RERE: variants seen among roughly 807,000 people sequenced by gnomAD.
The protein encoded by RERE is arginine-glutamic acid dipeptide repeats, also known as arginine-glutamic acid dipeptide repeats protein.
RERE carries 40 observed loss-of-function variants against 146.1 expected under a neutral mutation model. The observed-to-expected ratio is 0.27, with a 90% CI of 0.21 to 0.36. The LOEUF (loss-of-function observed/expected upper bound fraction) is 0.36, where lower values mean the gene tolerates loss of function less well. Among genes scored for constraint, RERE ranks in the 10% least tolerant of loss-of-function variants. RERE has a pLI of 1.00. For missense variants in RERE, 1,933 were observed against 2,138.7 expected (o/e 0.90, Z 1.90); for synonymous variants, 1,003 against 866.0 (o/e 1.16, Z -2.78).
intron 2 of RERE, among the ~76,000 whole-genome samples, chr1:8,653,504 G>A (rs1021551650): frequency 1.3e-5 from 2 of 151,936 alleles, no homozygotes; most frequent in Admixed American, 1.3e-4. Flanking sequence ...TCAGGAGATC[G>A]AGACCACGGT....
chr1:8,381,099 T>C (rs536956402), intron 12 of RERE: 4 of 437,616 alleles, frequency 9.1e-6, no homozygotes, highest in East Asian at 7.0e-5. Context: ...CACCACCTCA[T>C]ACACACTTTA....
At chr1:8,629,153 C>T (rs1647007392) in intron 2 of RERE, among the ~76,000 whole-genome samples, 1 of 152,094 alleles carries the variant, frequency 6.6e-6, no homozygotes, top group South Asian at 2.1e-4. Context: ...AGGCTATTAC[C>T]ATCAATATCA....
At chr1:8,436,719 GTTTTA>G (rs1314534995) in intron 11 of RERE, among the ~76,000 whole-genome samples, 1 of 152,142 alleles carries the variant, frequency 6.6e-6, no homozygotes, top group Non-Finnish European at 1.5e-5. Flanking sequence ...TAATTTAAAT[GTTTTA>G]TTTAACTAAA....
chr1:8,429,590 C>G (rs1644065853), intron 11 of RERE, among the ~76,000 whole-genome samples: 1 of 152,188 alleles, frequency 6.6e-6, no homozygotes, highest in African/African-American at 2.4e-5. Context: ...AAAGATACCT[C>G]TGCATTAACC....
rs138825606 is a variant in RERE, at chr1:8,669,129, C to T, written c.-144-12688G>A. Among the ~76,000 whole-genome samples the T allele has an allele frequency of 2.0e-5, 3 of 150,704 alleles. No homozygotes were observed. In the East Asian group the frequency reaches 5.9e-4, roughly 30 times the overall value. ...TGTCACCCAGGCTGGAGTGCAGTGG[C>T]ATGCGTGATCACGGCTCACTGCAGC... On this transcript the variant is annotated intron_variant, in intron 1 of 22. Coordinates refer to ENST00000400908, the MANE Select transcript of RERE (RefSeq NM_001042681.2).
chr1:8,403,580 A>C (rs1024231825), intron 12 of RERE, among the ~76,000 whole-genome samples: 6 of 150,908 alleles, frequency 4.0e-5, no homozygotes, highest in African/African-American at 1.5e-4. Flanking sequence ...TGGCCAGGCT[A>C]GTCTCAAACT....
At chr1:8,784,283 T>TC (rs763598021) in intron 1 of RERE, among the ~76,000 whole-genome samples, 2 of 152,166 alleles carry the variant, frequency 1.3e-5, no homozygotes, top group African/African-American at 2.4e-5. Context: ...CTATCCTGAC[T>TC]CCCCTATTTA....
intron 12 of RERE, among the ~76,000 whole-genome samples, chr1:8,394,462 T>C (rs1642983293): frequency 1.3e-5 from 2 of 152,236 alleles, no homozygotes; most frequent in South Asian, 2.1e-4. Flanking sequence ...CAGATAATAT[T>C]ATCACCATTT....
intron 8 of RERE, among the ~76,000 whole-genome samples, chr1:8,501,025 TC>T (rs1557660879): frequency 4.5e-5 from 2 of 44,706 alleles, no homozygotes; most frequent in East Asian, 6.9e-4. Context: ...AGCCACCCCG[TC>T]CGGGAGGGGG....
rs1354676228 is a variant in RERE, at chr1:8,353,235, A to G, written c.*1852T>C. 1 of 152,444 alleles carries G rather than the reference A, an allele frequency of 6.6e-6. No individual in the cohort carries two copies. The highest frequency in any genetic ancestry group is 2.4e-5 in the African/African-American group (1 of 41,464). The allele number at this position is 152,444 out of a possible 1,614,324, so 9.4% of individuals were successfully genotyped here. ...GAATGAGAGAAAAATGAAAGAAAAAAAACTAGAAACATTTTCAACAGACAA... is the reference window on the plus strand; with the variant it reads ...GAATGAGAGAAAAATGAAAGAAAAAGAACTAGAAACATTTTCAACAGACAA... On this transcript the variant is annotated 3_prime_UTR_variant, in exon 23 of 23. Transcript: ENST00000400908.
intron 10 of RERE, among the ~76,000 whole-genome samples, chr1:8,471,220 C>T (rs1170095268): frequency 1.3e-5 from 2 of 152,140 alleles, no homozygotes; most frequent in African/African-American, 2.4e-5. Context: ...AAATTACTGG[C>T]GATCAGGACA....
In RERE at chr1:8,422,721, A is replaced by ACT; in HGVS notation, c.1284+4_1284+5dup. 6.2e-7 allele frequency: 1 copy of ACT among 1,600,878 alleles called. No homozygotes were observed. The highest frequency in any genetic ancestry group is 8.6e-7 in the Non-Finnish European group (1 of 1,167,958). ...ATCAAGTTACATAAAGTCCAATTGT[A>ACT]CTCACTGTTTCCTTATTGGGAAGCA... On this transcript the variant is annotated splice_donor_region_variant and intron_variant, in intron 12 of 22. Transcript: ENST00000400908.
intron 1 of RERE, among the ~76,000 whole-genome samples, chr1:8,771,778 C>T (rs1435856717): frequency 6.6e-6 from 1 of 151,188 alleles, no homozygotes; most frequent in African/African-American, 2.4e-5. Flanking sequence ...GGCGCGGTGG[C>T]GGGTGCCTGT....
In RERE at chr1:8,406,387, G is replaced by A. The variant is rs541079379; in HGVS notation, c.1284+16340C>T. 3.3e-5 allele frequency among the ~76,000 whole-genome samples: 5 copies of A among 152,176 alleles called. 1 individual carries two copies. The South Asian group carries it at 1.0e-3, about 32-fold the overall frequency. On this transcript the variant is annotated intron_variant, in intron 12 of 22. Coordinates refer to ENST00000400908, the MANE Select transcript of RERE (RefSeq NM_001042681.2). The stretch of plus-strand genomic sequence containing the variant: ...TCCCCAGTCAGATTAATATTTTCAA[G>A]AGAAGAAAGCAGTAATGCAACTTTT...
chr1:8,785,384 A>G (rs1400664655), intron 1 of RERE, among the ~76,000 whole-genome samples: 1 of 152,242 alleles, frequency 6.6e-6, no homozygotes, highest in African/African-American at 2.4e-5. Flanking sequence ...TTACTTATCC[A>G]AGCATACATT....
In RERE at chr1:8,360,115, G is replaced by A. The variant is rs1366231830; in HGVS notation, c.3392C>T (p.Ala1131Val). ...VDTPSHASQS[A>V]RFYKHLDRGY... ...CCTGGAGCCCTAGGAAGCGTACCTA[G>A]CTGACTGGCTGGCGTGACTGGGGGT... is the stretch of plus-strand genomic sequence containing the variant. The change falls in exon 18 of 23, where the codon GCT becomes GTT. Residue 1131 changes from alanine (A) to valine (V), a missense_variant. Physicochemically the swap from Ala to Val is moderately conservative, Grantham distance 64. Coordinates refer to ENST00000400908, the MANE Select transcript of RERE (RefSeq NM_001042681.2). 6.3e-7 allele frequency: 1 copy of A among 1,578,948 alleles called. No individual in the cohort carries two copies. The highest frequency in any genetic ancestry group is 1.7e-5 in the Admixed American group (1 of 57,712).
intron 15 of RERE, among the ~76,000 whole-genome samples, chr1:8,363,452 C>T (rs528094847): frequency 3.9e-5 from 6 of 152,240 alleles, no homozygotes; most frequent in East Asian, 1.9e-4. Flanking sequence ...GCAGCCTCAA[C>T]GGCATACAAG....
intron 4 of RERE, among the ~76,000 whole-genome samples, chr1:8,609,694 G>A (rs137900124): frequency 2.3e-4 from 35 of 152,232 alleles, no homozygotes. Context: ...GGTAACAAAC[G>A]TAATACAATC....
chr1:8,427,637 TAAAAAAAAAA>T (rs33996085), intron 11 of RERE, among the ~76,000 whole-genome samples: 1 of 116,352 alleles, frequency 8.6e-6, no homozygotes, highest in Non-Finnish European at 1.7e-5. Context: ...GGCCCCACTT[TAAAAAAAAAA>T]AAAAAAAAAA....
Sources: allele counts gnomAD v4.1 joint callset (sites outside exome capture counted in the v4.1 genomes callset), GRCh38; gene constraint gnomAD v4.1.1; transcripts MANE v1.5; gene names NCBI Gene and HGNC (gene_info 2026-07-23, HGNC 2026-07-21).